The following COL19A1 variants were observed in gnomAD, a reference collection of about 807,000 sequenced individuals.
The protein encoded by COL19A1 is collagen type XIX alpha 1 chain, also known as collagen alpha-1(XIX) chain.
A neutral mutation model predicts 190.2 loss-of-function variants in COL19A1; 159 were observed. That is an observed-to-expected ratio of 0.84 (90% CI 0.73 to 0.95). The LOEUF (loss-of-function observed/expected upper bound fraction) is 0.95, where lower values mean the gene tolerates loss of function less well. Ranked by LOEUF, COL19A1 falls within the 40% of genes least tolerant of loss-of-function variation. The probability of loss-of-function intolerance (pLI) is 0.00; values close to 1 mark genes in which losing one functional copy is unlikely to be tolerated. For synonymous variants in COL19A1, 509 were observed against 458.9 expected (o/e 1.11, Z -1.39); for missense variants, 1,418 against 1,431.9 (o/e 0.99, Z 0.16).
chr6:70,144,323 T>A (rs1786469735), intron 24 of COL19A1, 60 bp downstream of exon 24: 2 of 1,438,940 alleles, frequency 1.4e-6, no homozygotes, highest in Non-Finnish European at 9.7e-7. Context: ...AGACAGAGGA[T>A]CATAAGGGAG....
At chr6:70,028,572 A>C (rs1778853838) in intron 12 of COL19A1, among the ~76,000 whole-genome samples, 1 of 152,160 alleles carries the variant, frequency 6.6e-6, no homozygotes, top group African/African-American at 2.4e-5. Flanking sequence ...TTTTGGAAGA[A>C]GATTTCTCAG....
At chr6:69,981,987 A>G (rs560657858) in intron 11 of COL19A1, among the ~76,000 whole-genome samples, 1 of 152,320 alleles carries the variant, frequency 6.6e-6, no homozygotes, top group Non-Finnish European at 1.5e-5. Flanking sequence ...AATAATACAC[A>G]AATGAAATGA....
intron 1 of COL19A1, among the ~76,000 whole-genome samples, chr6:69,873,428 C>T (rs535916273): frequency 1.3e-5 from 2 of 152,046 alleles, no homozygotes; most frequent in East Asian, 1.9e-4. Flanking sequence ...TTTACATATG[C>T]GTGTGTGAGG....
At chr6:69,986,165 G>T (rs1776299969) in intron 11 of COL19A1, among the ~76,000 whole-genome samples, 1 of 149,230 alleles carries the variant, frequency 6.7e-6, no homozygotes, top group Non-Finnish European at 1.5e-5. Flanking sequence ...AACATACATA[G>T]AAAAGTGTCA....
At position 70,211,001 on chromosome 6, in the gene COL19A1, A is replaced by G. The variant is rs181134127; in HGVS notation, c.*3727A>G. ...CCACTCTCATATTTTAGTGATCAATATGAAGACAGCTAAATAATTATCCTA... is the reference window on the plus strand; with the variant it reads ...CCACTCTCATATTTTAGTGATCAATGTGAAGACAGCTAAATAATTATCCTA... On this transcript the variant is annotated 3_prime_UTR_variant, in exon 51 of 51. Coordinates refer to ENST00000620364, the MANE Select transcript of COL19A1 (RefSeq NM_001858.6). Among the ~76,000 whole-genome samples, 8 of 152,136 alleles carry G rather than the reference A, an allele frequency of 5.3e-5. No homozygotes were observed. The highest frequency in any genetic ancestry group is 1.4e-4 in the African/African-American group (6 of 41,528).
At chr6:69,983,322 T>C (rs1776150792) in intron 11 of COL19A1, among the ~76,000 whole-genome samples, 1 of 152,200 alleles carries the variant, frequency 6.6e-6, no homozygotes, top group Non-Finnish European at 1.5e-5. Context: ...TTCTAGTATA[T>C]CAAAATACAT....
intron 15 of COL19A1, among the ~76,000 whole-genome samples, chr6:70,082,580 T>C (rs2150165651): frequency 6.6e-6 from 1 of 152,114 alleles, no homozygotes; most frequent in South Asian, 2.1e-4. Context: ...ACCTGGCTAA[T>C]TTTGTATTTT....
intron 15 of COL19A1, among the ~76,000 whole-genome samples, chr6:70,097,308 T>C (rs1168223685): frequency 2.6e-5 from 4 of 152,146 alleles, no homozygotes; most frequent in Non-Finnish European, 4.4e-5. Flanking sequence ...AGGTTTCCTA[T>C]GACTGATTTA....
chr6:70,006,989 C>G (rs929722043), intron 11 of COL19A1, among the ~76,000 whole-genome samples: 2 of 151,876 alleles, frequency 1.3e-5, no homozygotes, highest in Admixed American at 6.6e-5. Context: ...ATTTGTTGAA[C>G]AAAAATGAAG....
chr6:69,980,425 T>G (rs2150064480), intron 11 of COL19A1, among the ~76,000 whole-genome samples: 1 of 152,296 alleles, frequency 6.6e-6, no homozygotes, highest in South Asian at 2.1e-4. Flanking sequence ...GATGAAGGAC[T>G]TATATAAAAA....
intron 14 of COL19A1, among the ~76,000 whole-genome samples, chr6:70,037,961 A>G (rs917839045): frequency 6.6e-6 from 1 of 152,198 alleles, no homozygotes; most frequent in African/African-American, 2.4e-5. Flanking sequence ...TTATTGGGGT[A>G]TTACTATTTT....
chr6:70,149,566 T>C (rs1161915045), intron 27 of COL19A1, 138 bp from the exon 28 acceptor site: 2 of 972,966 alleles, frequency 2.1e-6, no homozygotes, highest in African/African-American at 1.7e-5. Context: ...TGGCCGACTT[T>C]GCAGTTTTCC....
intron 12 of COL19A1, among the ~76,000 whole-genome samples, chr6:70,027,973 G>A (rs373389321): frequency 1.3e-5 from 2 of 151,950 alleles, no homozygotes; most frequent in Non-Finnish European, 2.9e-5. Flanking sequence ...TTCTTTATTT[G>A]CACCATGGAA....
intron 1 of COL19A1, among the ~76,000 whole-genome samples, chr6:69,868,004 G>A (rs754770844): frequency 2.6e-5 from 4 of 151,708 alleles, no homozygotes; most frequent in East Asian, 2.0e-4. Context: ...GCTTGGATAA[G>A]TCTGAGGAGG....
chr6:70,133,289 C>T (rs1785635938), intron 18 of COL19A1, among the ~76,000 whole-genome samples: 2 of 152,170 alleles, frequency 1.3e-5, no homozygotes, highest in African/African-American at 4.8e-5. Context: ...CCTTTGGAAC[C>T]CGACACTACA....
intron 25 of COL19A1, among the ~76,000 whole-genome samples, chr6:70,146,257 G>T (rs926788351): frequency 3.3e-5 from 5 of 152,078 alleles, no homozygotes; most frequent in Non-Finnish European, 5.9e-5. Context: ...AGGTTTTGCA[G>T]ATATCATCAT....
At chr6:70,110,604 T>A (rs1562183013) in intron 16 of COL19A1, among the ~76,000 whole-genome samples, 1 of 152,176 alleles carries the variant, frequency 6.6e-6, no homozygotes, top group Non-Finnish European at 1.5e-5. Context: ...TGTCACCTTG[T>A]GTGACCACAG....
intron 22 of COL19A1, among the ~76,000 whole-genome samples, 175 bp from the exon 23 acceptor site, chr6:70,142,592 T>C (rs1786331423): frequency 6.6e-6 from 1 of 152,148 alleles, no homozygotes; most frequent in African/African-American, 2.4e-5. Flanking sequence ...GGAAACTATC[T>C]TGGTAATCAC....
At chr6:70,066,170 C>T (rs1781183450) in intron 14 of COL19A1, among the ~76,000 whole-genome samples, 1 of 152,074 alleles carries the variant, frequency 6.6e-6, no homozygotes, top group Non-Finnish European at 1.5e-5. Context: ...TGCAGCACTG[C>T]TCACAATAGC....
Sources: gnomAD v4.1 joint callset for allele counts (sites outside exome capture counted in the v4.1 genomes callset) on GRCh38, gnomAD v4.1.1 for gene constraint, MANE v1.5 for transcripts, NCBI Gene and HGNC (gene_info 2026-07-23, HGNC 2026-07-21) for gene names.